Variants in USP12 observed in about 807,000 individuals in gnomAD.
USP12 encodes the protein ubiquitin specific peptidase 12, also known as ubiquitin carboxyl-terminal hydrolase 12.
USP12 carries 19 observed loss-of-function variants against 45.5 expected under a neutral mutation model. That is an observed-to-expected ratio of 0.42 (90% CI 0.29 to 0.61). USP12 has a LOEUF of 0.61. Ranked by LOEUF, USP12 falls within the 20% of genes least tolerant of loss-of-function variation. The pLI is 0.22. For missense variants in USP12, 242 were observed against 447.7 expected, an observed-to-expected ratio of 0.54 and a Z score of 4.15; for synonymous variants, 149 against 148.8, an observed-to-expected ratio of 1.00 and a Z score of -0.01.
chr13:27,090,721 T>C (rs532591461), intron 4 of USP12, among the ~76,000 whole-genome samples: 2 of 150,502 alleles, frequency 1.3e-5, no homozygotes, highest in Non-Finnish European at 3.0e-5. Flanking sequence ...TAAATCTTCC[T>C]AGCTATTTCC....
At chr13:27,135,810 T>TA (rs1876776705) in intron 1 of USP12, among the ~76,000 whole-genome samples, 1 of 152,176 alleles carries the variant, frequency 6.6e-6, no homozygotes, top group African/African-American at 2.4e-5. Context: ...TGTAAACACT[T>TA]ACTGCCAGAA....
At chr13:27,086,109 A>G (rs1219988924) in intron 6 of USP12, among the ~76,000 whole-genome samples, 2 of 149,632 alleles carry the variant, frequency 1.3e-5, no homozygotes, top group Admixed American at 6.7e-5. Context: ...GTCTGAGGCT[A>G]CAGTGAGCTA....
At chr13:27,085,160 TTTTC>T (rs141485053) in intron 6 of USP12, among the ~76,000 whole-genome samples, 92,851 of 147,658 alleles carry the variant, frequency 0.63, 30,866 homozygotes, top group South Asian at 0.76. Flanking sequence ...ATGTTTTCTT[TTTTC>T]TTTCTTTCTT....
At chr13:27,073,562 G>A (rs1873340859) in intron 7 of USP12, among the ~76,000 whole-genome samples, 1 of 152,166 alleles carries the variant, frequency 6.6e-6, no homozygotes, top group Non-Finnish European at 1.5e-5. Context: ...CAATGAGTCA[G>A]GCATCTCAGC....
At position 27,139,154 on chromosome 13, in the gene USP12, T is replaced by C. The variant is rs1458158236; in HGVS notation, c.49-22558A>G. ...AACCAGTTCAACATACAGATCAAGA[T>C]ACCATACCTAACATGCAGACACACT... is the stretch of plus-strand genomic sequence containing the variant. On this transcript the variant is annotated intron_variant, in intron 1 of 8. Coordinates refer to ENST00000282344, the MANE Select transcript of USP12 (RefSeq NM_182488.4). 3.3e-5 allele frequency among the ~76,000 whole-genome samples: 5 copies of C among 152,252 alleles called. No individual in the cohort carries two copies. In the East Asian group the frequency reaches 7.7e-4, roughly 23 times the overall value.
chr13:27,150,108 C>A (rs1186995390), intron 1 of USP12, among the ~76,000 whole-genome samples: 1 of 152,204 alleles, frequency 6.6e-6, no homozygotes, highest in Non-Finnish European at 1.5e-5. Context: ...ATTCCCAACA[C>A]AAAGAAATGA....
chr13:27,124,020 T>C (rs916995806), intron 1 of USP12, among the ~76,000 whole-genome samples: 3 of 152,156 alleles, frequency 2.0e-5, no homozygotes, highest in Non-Finnish European at 2.9e-5. Flanking sequence ...AAAGTAACTA[T>C]ATATTAAATG....
intron 1 of USP12, chr13:27,162,903 G>C (rs1444654298): frequency 1.3e-5 from 2 of 152,134 alleles, no homozygotes; most frequent in Admixed American, 6.5e-5. Context: ...ACGGAAGCAA[G>C]AAAATTCACT....
intron 6 of USP12, among the ~76,000 whole-genome samples, chr13:27,086,687 C>T (rs778305549): frequency 5.3e-5 from 8 of 152,206 alleles, no homozygotes; most frequent in Non-Finnish European, 8.8e-5. Flanking sequence ...CTTTTGCTCA[C>T]AGATGGGCCT....
At chr13:27,106,240 G>A (rs962529009) in intron 2 of USP12, among the ~76,000 whole-genome samples, 1 of 152,144 alleles carries the variant, frequency 6.6e-6, no homozygotes, top group Non-Finnish European at 1.5e-5. Context: ...CAGTATGACA[G>A]TCTAGCAACC....
At chr13:27,155,933 T>C (rs1023768440) in intron 1 of USP12, among the ~76,000 whole-genome samples, 3 of 152,174 alleles carry the variant, frequency 2.0e-5, no homozygotes, top group African/African-American at 4.8e-5. Context: ...AAATATAACA[T>C]AGATGTACAT....
intron 3 of USP12, among the ~76,000 whole-genome samples, chr13:27,099,873 A>G (rs970770356): frequency 8.5e-5 from 13 of 152,212 alleles, no homozygotes; most frequent in Non-Finnish European, 1.3e-4. Context: ...TTTAAAAACA[A>G]TAAAAGTCAT....
At chr13:27,090,558 T>A (rs1874264048) in intron 4 of USP12, among the ~76,000 whole-genome samples, 1 of 152,210 alleles carries the variant, frequency 6.6e-6, no homozygotes, top group Non-Finnish European at 1.5e-5. Context: ...AAAAAAAATT[T>A]AGCCCAAAAT....
intron 1 of USP12, chr13:27,170,331 T>C (rs1470822520): frequency 1.0e-5 from 4 of 398,414 alleles, no homozygotes; most frequent in Non-Finnish European, 1.8e-5. Flanking sequence ...TCACCACTCC[T>C]TAAAGAAAAA....
At chr13:27,125,912 C>G (rs1876211941) in intron 1 of USP12, among the ~76,000 whole-genome samples, 1 of 152,226 alleles carries the variant, frequency 6.6e-6, no homozygotes, top group African/African-American at 2.4e-5. Context: ...GAGGGGCGTC[C>G]GCCATTGCTG....
At chr13:27,155,272 A>G (rs9507847) in intron 1 of USP12, among the ~76,000 whole-genome samples, 65,519 of 151,102 alleles carry the variant, frequency 0.43, 15,978 homozygotes, top group East Asian at 0.87. Flanking sequence ...TAGTAGAGAC[A>G]GGGTTTCACC....
chr13:27,139,157 C>T (rs1032898996), intron 1 of USP12, among the ~76,000 whole-genome samples: 4 of 152,160 alleles, frequency 2.6e-5, no homozygotes, highest in Non-Finnish European at 5.9e-5. Flanking sequence ...ATCAAGATAC[C>T]ATACCTAACA....
rs557685953 is a variant in USP12 at position 27,100,147 on chromosome 13, G to A, written c.344-4317C>T. 6.6e-5 allele frequency among the ~76,000 whole-genome samples: 10 copies of A among 152,214 alleles called. No individual in the cohort carries two copies. In the East Asian group the frequency reaches 1.9e-3, roughly 29 times the overall value. ...AGAACCTTGCGTGGTTCCACCAATT[G>A]GAAAAGTCTAGACCACAGCTAAGCT... On this transcript the variant is annotated intron_variant, in intron 3 of 8. Transcript: ENST00000282344.
intron 7 of USP12, 145 bp from the exon 8 acceptor site, chr13:27,071,294 GC>G: frequency 3.2e-6 from 2 of 621,328 alleles, no homozygotes; most frequent in Non-Finnish European, 5.3e-6. Flanking sequence ...ACCTATTCTT[GC>G]CAAAAGAGAT....
Sources: allele counts gnomAD v4.1 joint callset (sites outside exome capture counted in the v4.1 genomes callset), GRCh38; gene constraint gnomAD v4.1.1; transcripts MANE v1.5; gene names NCBI Gene and HGNC (gene_info 2026-07-23, HGNC 2026-07-21).